Variants in IL1RAPL1 observed in about 807,000 individuals in gnomAD.
The protein encoded by IL1RAPL1 is interleukin-1 receptor accessory protein-like 1.
In IL1RAPL1, 3 loss-of-function variants were observed where a neutral mutation model predicts 48.4. The observed-to-expected ratio is 0.06, with a 90% CI of 0.03 to 0.16. The LOEUF (loss-of-function observed/expected upper bound fraction) is 0.16. Ranked by LOEUF, IL1RAPL1 falls within the 10% of genes least tolerant of loss-of-function variation. The probability of loss-of-function intolerance (pLI) is 1.00; values close to 1 mark genes in which losing one functional copy is unlikely to be tolerated. For missense variants in IL1RAPL1, 349 were observed against 530.6 expected (o/e 0.66, Z 3.36); for synonymous variants, 185 against 187.7 (o/e 0.99, Z 0.12).
chrX:28,872,192 T>C (rs1262049340), intron 2 of IL1RAPL1, among the ~76,000 whole-genome samples: 1 of 110,334 alleles, frequency 9.1e-6, no homozygotes, highest in African/African-American at 3.3e-5. Context: ...AAAACAATTT[T>C]TTTTTTTTGT....
At chrX:29,511,590 T>C (rs1488967457) in intron 5 of IL1RAPL1, among the ~76,000 whole-genome samples, 1 of 112,103 alleles carries the variant, frequency 8.9e-6, no homozygotes, top group Non-Finnish European at 1.9e-5. Flanking sequence ...TTTGTAACAT[T>C]GGTGTTTTAG....
At chrX:29,736,041 A>G (rs1232205112) in intron 6 of IL1RAPL1, among the ~76,000 whole-genome samples, 1 of 112,328 alleles carries the variant, frequency 8.9e-6, no homozygotes, top group Non-Finnish European at 1.9e-5. Context: ...TGAAACCATT[A>G]TGATCAGCTA....
intron 1 of IL1RAPL1, among the ~76,000 whole-genome samples, chrX:28,598,763 G>A (rs891489775): frequency 2.8e-5 from 3 of 108,219 alleles, no homozygotes; most frequent in African/African-American, 1.0e-4. Context: ...CGAGTAGCTG[G>A]GATTACAGGT....
At chrX:29,106,574 T>C (rs1242663711) in intron 2 of IL1RAPL1, among the ~76,000 whole-genome samples, 1 of 111,707 alleles carries the variant, frequency 9.0e-6, no homozygotes. Flanking sequence ...TCAATGAAGA[T>C]TCATGAAAAA....
At chrX:29,533,670 G>A (rs1018914250) in intron 5 of IL1RAPL1, among the ~76,000 whole-genome samples, 26 of 111,940 alleles carry the variant, frequency 2.3e-4, no homozygotes, top group African/African-American at 8.1e-4. Flanking sequence ...GGAACTGCTA[G>A]ATTGTATTCT....
At chrX:28,850,544 C>G (rs1050305979) in intron 2 of IL1RAPL1, among the ~76,000 whole-genome samples, 1 of 111,118 alleles carries the variant, frequency 9.0e-6, no homozygotes, top group African/African-American at 3.3e-5. Context: ...CCTCTCTTCC[C>G]CCTATTCTTC....
chrX:29,650,524 G>GA (rs953933598), intron 5 of IL1RAPL1, among the ~76,000 whole-genome samples: 9 of 110,223 alleles, frequency 8.2e-5, no homozygotes, highest in African/African-American at 2.3e-4. Context: ...ACACAATGGG[G>GA]AAAAAGCAGT....
At chrX:29,196,214 T>TGAATAAGGTGGAATAAGG in intron 2 of IL1RAPL1, among the ~76,000 whole-genome samples, 1 of 112,373 alleles carries the variant, frequency 8.9e-6, no homozygotes, top group South Asian at 3.7e-4. Context: ...GTGGAAGCAC[T>TGAATAAGGTGGAATAAGG]TACAACTAAT....
At chrX:29,667,210 A>G (rs183430020) in intron 5 of IL1RAPL1, among the ~76,000 whole-genome samples, 81 of 112,400 alleles carry the variant, frequency 7.2e-4, no homozygotes, top group East Asian at 5.9e-3. Flanking sequence ...TCAATCATAT[A>G]TGAGGTTGTT....
At chrX:28,782,735 G>A (rs1054669247) in intron 1 of IL1RAPL1, among the ~76,000 whole-genome samples, 33 of 111,451 alleles carry the variant, frequency 3.0e-4, no homozygotes, top group African/African-American at 1.0e-3. Flanking sequence ...TACTTTAATA[G>A]CATTTTGAGA....
intron 5 of IL1RAPL1, among the ~76,000 whole-genome samples, chrX:29,667,761 C>T (rs908809573): frequency 8.0e-5 from 9 of 111,846 alleles, no homozygotes; most frequent in Middle Eastern, 4.2e-3. Context: ...AGCTTAAAAT[C>T]GAAGAGAGTA....
At chrX:29,352,872 A>C (rs1348920060) in intron 3 of IL1RAPL1, among the ~76,000 whole-genome samples, 1 of 111,905 alleles carries the variant, frequency 8.9e-6, no homozygotes, top group African/African-American at 3.2e-5. Flanking sequence ...CCATATTAAT[A>C]GAAATAGAAC....
At chrX:29,776,840 T>G (rs1418882102) in intron 6 of IL1RAPL1, among the ~76,000 whole-genome samples, 1 of 111,373 alleles carries the variant, frequency 9.0e-6, no homozygotes, top group Non-Finnish European at 1.9e-5. Flanking sequence ...ACAATAGACA[T>G]TTTTAGTAAT....
At chrX:28,990,806 T>C (rs1264973517) in intron 2 of IL1RAPL1, among the ~76,000 whole-genome samples, 3 of 111,819 alleles carry the variant, frequency 2.7e-5, no homozygotes, top group Non-Finnish European at 5.6e-5. Flanking sequence ...TAGATGGTTT[T>C]ATTTTGTACT....
intron 2 of IL1RAPL1, among the ~76,000 whole-genome samples, chrX:29,164,777 T>A (rs1454240817): frequency 9.3e-6 from 1 of 107,888 alleles, no homozygotes; most frequent in Non-Finnish European, 1.9e-5. Context: ...TTTTAAAAAA[T>A]GATTTCATTA....
At chrX:29,905,589 C>T (rs953181956) in intron 6 of IL1RAPL1, among the ~76,000 whole-genome samples, 1 of 110,927 alleles carries the variant, frequency 9.0e-6, no homozygotes, top group Admixed American at 9.6e-5. Context: ...CTGCATATGG[C>T]TAGCCAGTTT....
chrX:29,802,773 A>ATATATGTG (rs1929959103), intron 6 of IL1RAPL1, among the ~76,000 whole-genome samples: 1 of 29,281 alleles, frequency 3.4e-5, no homozygotes, highest in African/African-American at 2.0e-4. Flanking sequence ...ATATATATAT[A>ATATATGTG]TATATATATG....
At chrX:29,114,579 A>T (rs1279596481) in intron 2 of IL1RAPL1, among the ~76,000 whole-genome samples, 2 of 107,102 alleles carry the variant, frequency 1.9e-5, no homozygotes, top group Admixed American at 1.0e-4. Flanking sequence ...CTGCCCATTT[A>T]TTTTTTTTTC....
At chrX:29,432,998 G>A (rs899507271) in intron 5 of IL1RAPL1, among the ~76,000 whole-genome samples, 12 of 109,919 alleles carry the variant, frequency 1.1e-4, no homozygotes, top group African/African-American at 3.0e-4. Flanking sequence ...GCCCCGCTAA[G>A]GAGCTTTTTT....
Sources: gnomAD v4.1 joint callset for allele counts (sites outside exome capture counted in the v4.1 genomes callset) on GRCh38, gnomAD v4.1.1 for gene constraint, MANE v1.5 for transcripts, NCBI Gene and HGNC (gene_info 2026-07-23, HGNC 2026-07-21) for gene names.